Variants in CAST observed in about 807,000 individuals in gnomAD.
CAST encodes calpastatin, also known as MIR583 host.
CAST carries 76 observed loss-of-function variants against 119.6 expected under a neutral mutation model. The observed-to-expected ratio is 0.64, with a 90% confidence interval of 0.53 to 0.77. The LOEUF (loss-of-function observed/expected upper bound fraction) is 0.77, where lower values mean the gene tolerates loss of function less well. Among genes scored for constraint, CAST ranks in the 30% least tolerant of loss-of-function variants. CAST has a pLI of 0.00. For missense variants in CAST, 953 were observed against 946.5 expected (o/e 1.01, Z -0.09); for synonymous variants, 319 against 331.6 (o/e 0.96, Z 0.41).
At chr5:96,748,692 A>G (rs1277434878) in intron 19 of CAST, 79 bp downstream of exon 19, 29 of 701,066 alleles carry the variant, frequency 4.1e-5, no homozygotes, top group Non-Finnish European at 7.1e-5. Flanking sequence ...CTGTTTTAGC[A>G]TCAAGCAGTC....
At chr5:96,439,102 A>G in the CAST span, among the ~76,000 whole-genome samples, 5 of 152,176 alleles carry the variant, frequency 3.3e-5, no homozygotes, top group Non-Finnish European at 7.4e-5. Context: ...ATAATTTATA[A>G]TGGTTGCATA....
chr5:96,757,706 T>A, intron 24 of CAST, 52 bp downstream of exon 24: 5 of 1,149,890 alleles, frequency 4.3e-6, no homozygotes, highest in East Asian at 2.4e-5. Context: ...TTTTTTTTCC[T>A]TTGAGATGGA....
chr5:96,458,334 T>G, the CAST span, among the ~76,000 whole-genome samples: 1 of 152,206 alleles, frequency 6.6e-6, no homozygotes, highest in South Asian at 2.1e-4. Context: ...AAAGATACCG[T>G]ATGGCCTGCA....
chr5:95,970,373 G>T, the CAST span: 1 of 152,204 alleles, frequency 6.6e-6, no homozygotes, highest in Non-Finnish European at 1.5e-5. Context: ...GAGGCTCTGT[G>T]TCATTTGGGA....
intron 1 of CAST, among the ~76,000 whole-genome samples, chr5:96,655,897 C>T (rs1748151958): frequency 6.6e-6 from 1 of 152,206 alleles, no homozygotes; most frequent in Non-Finnish European, 1.5e-5. Context: ...CTGAACAGTG[C>T]ACCAGAAATG....
At position 96,692,035 on chromosome 5, in the gene CAST, G is replaced by A. The variant is rs576472199; in HGVS notation, c.139-3801G>A. On this transcript the variant is annotated intron_variant, in intron 2 of 31. Transcript: ENST00000675179. ...CTACAATAGATATACAAAAAAGTAT[G>A]CAACTAATTCTTTTCATGCCTTCTT... Among the ~76,000 whole-genome samples, 3 of 152,294 alleles carry A rather than the reference G, an allele frequency of 2.0e-5. No homozygotes were observed. In the South Asian group the frequency reaches 6.2e-4, roughly 32 times the overall value.
At chr5:96,004,989 A>G in the CAST span, among the ~76,000 whole-genome samples, 157 of 152,342 alleles carry the variant, frequency 1.0e-3, 1 homozygote, top group African/African-American at 3.7e-3. Context: ...TGCAACAGAA[A>G]TATTGGCAAT....
the CAST span, among the ~76,000 whole-genome samples, chr5:96,346,358 G>A: frequency 1.3e-5 from 2 of 152,152 alleles, no homozygotes; most frequent in Non-Finnish European, 2.9e-5. Context: ...TATCAGGCAG[G>A]TGGTTAGATA....
chr5:96,614,876 T>G (rs1747424824), intron 1 of CAST, among the ~76,000 whole-genome samples: 1 of 151,922 alleles, frequency 6.6e-6, no homozygotes, highest in Non-Finnish European at 1.5e-5. Flanking sequence ...TATATTCTCT[T>G]GCCTTTTAGT....
the CAST span, chr5:96,433,944 A>G: frequency 6.6e-6 from 1 of 152,194 alleles, no homozygotes. Context: ...GGTGTTTATC[A>G]GTAAAATGAT....
At chr5:96,704,880 C>T (rs1435615782) in intron 3 of CAST, among the ~76,000 whole-genome samples, 1 of 152,182 alleles carries the variant, frequency 6.6e-6, no homozygotes, top group Non-Finnish European at 1.5e-5. Flanking sequence ...TCTCAAAAGG[C>T]ATAGTCTTGG....
chr5:96,071,650 G>C, the CAST span, among the ~76,000 whole-genome samples: 1 of 151,952 alleles, frequency 6.6e-6, no homozygotes, highest in African/African-American at 2.4e-5. Flanking sequence ...TCACCTTTCT[G>C]GTTTTTCCTC....
chr5:96,773,498 G>GTCTT lies in CAST; in HGVS notation c.*884_*887dup, dbSNP rs1270492988. 1 of 152,282 alleles carries GTCTT rather than the reference G, an allele frequency of 6.6e-6. No individual in the cohort carries two copies. Among genetic ancestry groups the GTCTT allele is most frequent in the Non-Finnish European group, 1.5e-5 (1 of 68,010 alleles). The allele number at this position is 152,282 out of a possible 1,614,324, so 9.4% of individuals were successfully genotyped here. The stretch of plus-strand genomic sequence containing the variant: ...TACATAAAACCTGAGCAGCAACTGT[G>GTCTT]TCTTTAGAGCTATTGCCACATTAGC... On this transcript the variant is annotated 3_prime_UTR_variant, in exon 32 of 32. Transcript: ENST00000675179.
At chr5:96,665,757 CACATATACAT>C in intron 1 of CAST, among the ~76,000 whole-genome samples, 1 of 139,852 alleles carries the variant, frequency 7.2e-6, no homozygotes, top group African/African-American at 2.5e-5. Flanking sequence ...CACACACACA[CACATATACAT>C]ACACACATAC....
At chr5:96,175,389 A>G in the CAST span, among the ~76,000 whole-genome samples, 1 of 152,228 alleles carries the variant, frequency 6.6e-6, no homozygotes, top group African/African-American at 2.4e-5. Flanking sequence ...ATTATCGAGT[A>G]TCTACTGAAT....
At chr5:96,653,447 G>A (rs1050748244) in intron 1 of CAST, among the ~76,000 whole-genome samples, 6 of 152,254 alleles carry the variant, frequency 3.9e-5, no homozygotes, top group Admixed American at 1.3e-4. Flanking sequence ...AGTGTAGTTA[G>A]TAGACCTGGC....
chr5:96,619,824 C>T (rs1747561273), intron 1 of CAST, among the ~76,000 whole-genome samples: 1 of 152,168 alleles, frequency 6.6e-6, no homozygotes. Context: ...GACACATTAG[C>T]ATTACAAGTC....
the CAST span, among the ~76,000 whole-genome samples, chr5:96,462,842 T>A: frequency 1.4e-4 from 22 of 152,032 alleles, no homozygotes; most frequent in African/African-American, 4.8e-4. Context: ...TACCTGATGG[T>A]TTTATAAGTG....
At chr5:96,317,862 T>C in the CAST span, among the ~76,000 whole-genome samples, 1 of 152,204 alleles carries the variant, frequency 6.6e-6, no homozygotes, top group Admixed American at 6.5e-5. Context: ...CACCCTGATA[T>C]TATTCTCAAT....
Sources: gnomAD v4.1 joint callset for allele counts (sites outside exome capture counted in the v4.1 genomes callset) on GRCh38, gnomAD v4.1.1 for gene constraint, MANE v1.5 for transcripts, NCBI Gene and HGNC (gene_info 2026-07-23, HGNC 2026-07-21) for gene names.